KCNQ3: variants seen among roughly 807,000 people sequenced by gnomAD.
The protein encoded by KCNQ3 is potassium voltage-gated channel subfamily KQT member 3.
In KCNQ3, 30 loss-of-function variants were observed where a neutral mutation model predicts 92.5. That is an observed-to-expected ratio of 0.32 (90% CI 0.24 to 0.44). The LOEUF is 0.44. Ranked by LOEUF, KCNQ3 falls within the 20% of genes least tolerant of loss-of-function variation. The pLI, the probability that KCNQ3 is intolerant of heterozygous loss-of-function variation, is 1.00. For missense variants in KCNQ3, 913 were observed against 1,140.3 expected (o/e 0.80, Z 2.87); for synonymous variants, 450 against 468.8 (o/e 0.96, Z 0.52).
intron 1 of KCNQ3, among the ~76,000 whole-genome samples, chr8:132,409,791 G>A (rs2130795653): frequency 6.6e-6 from 1 of 152,262 alleles, no homozygotes; most frequent in South Asian, 2.1e-4. Context: ...GGAGACACTG[G>A]GACAGTTGGA....
Position 132,141,308 on chromosome 8 carries a change from C to T in KCNQ3, c.1286G>A (p.Arg429Gln). 1 of 1,614,086 alleles carries T rather than the reference C, an allele frequency of 6.2e-7. No individual in the cohort carries two copies. ...ACCACGAGGATTAGAAAGGCGAACC[C>T]GATCCAAGAGACCCAGCTTTTGGCT... ...ASSQKLGLLDRVRLSNPRGSN... is the reference protein window; with the variant it reads ...ASSQKLGLLDQVRLSNPRGSN... Residue 429 changes from arginine (R) to glutamine (Q), a missense_variant, in exon 10 of 15, where the codon CGG (arginine) becomes CAG (glutamine). By Grantham distance (43) the Arg-to-Gln change is conservative. Around this residue, in one of 6 missense-constraint regions of KCNQ3, gnomAD observed 182 missense variants for 234.5 expected, o/e 0.78. Transcript: ENST00000388996.
At chr8:132,381,103 A>G (rs933933444) in intron 1 of KCNQ3, among the ~76,000 whole-genome samples, 2 of 152,186 alleles carry the variant, frequency 1.3e-5, no homozygotes, top group Non-Finnish European at 1.5e-5. Context: ...TGTGCTAAGG[A>G]CATTGCACAC....
rs149209390 is a variant in KCNQ3 at position 132,183,981 on chromosome 8, A to C, written c.604+260T>G. 6.6e-5 allele frequency among the ~76,000 whole-genome samples: 10 copies of C among 152,146 alleles called. No homozygotes were observed. The East Asian group carries it at 1.9e-3, about 29-fold the overall frequency. ...CAACCTGCTTGCTGCTCCACAACCCAATTGCCAAGAGTGACACCCTACCCT... is the reference window on the plus strand; with the variant it reads ...CAACCTGCTTGCTGCTCCACAACCCCATTGCCAAGAGTGACACCCTACCCT... On this transcript the variant is annotated intron_variant, in intron 3 of 14. Coordinates refer to ENST00000388996, the MANE Select transcript of KCNQ3 (RefSeq NM_004519.4).
chr8:132,134,626 G>A lies in KCNQ3; in HGVS notation c.1701-238C>T, dbSNP rs116399126. 4.3e-3 allele frequency among the ~76,000 whole-genome samples: 655 copies of A among 152,012 alleles called. 3 individuals are homozygous for A. Among genetic ancestry groups the A allele is most frequent in the African/African-American group, 0.015 (626 of 41,464 alleles). On this transcript the variant is annotated intron_variant, in intron 12 of 14. Coordinates refer to ENST00000388996, the MANE Select transcript of KCNQ3 (RefSeq NM_004519.4). ...CTACAGAGAGAAAGACAGAGCCAGA[G>A]AGAACCTATAACCTCGGTATATTCT... is the stretch of plus-strand genomic sequence containing the variant.
At chr8:132,398,702 G>A (rs2130781129) in intron 1 of KCNQ3, among the ~76,000 whole-genome samples, 1 of 152,344 alleles carries the variant, frequency 6.6e-6, no homozygotes, top group Non-Finnish European at 1.5e-5. Flanking sequence ...ACAGTGCAAA[G>A]GTGGGGGATA....
chr8:132,163,756 T>C (rs1322482000), intron 8 of KCNQ3, among the ~76,000 whole-genome samples: 2 of 152,220 alleles, frequency 1.3e-5, no homozygotes, highest in Non-Finnish European at 2.9e-5. Flanking sequence ...CAGAAAATGG[T>C]TGCTGAGCAC....
chr8:132,138,317 C>T (rs1825173467), intron 11 of KCNQ3, among the ~76,000 whole-genome samples: 2 of 152,174 alleles, frequency 1.3e-5, no homozygotes, highest in Admixed American at 6.5e-5. Flanking sequence ...GCTTTATGAA[C>T]AATCCTGATA....
intron 1 of KCNQ3, among the ~76,000 whole-genome samples, chr8:132,362,449 T>C (rs1191699427): frequency 6.6e-6 from 1 of 152,168 alleles, no homozygotes; most frequent in Admixed American, 6.5e-5. Context: ...ACCTTCCAGT[T>C]CCAGCAGAAA....
chr8:132,240,998 C>T (rs1814978507), intron 1 of KCNQ3, among the ~76,000 whole-genome samples: 1 of 151,382 alleles, frequency 6.6e-6, no homozygotes, highest in African/African-American at 2.4e-5. Context: ...CAGTGATTCT[C>T]CTGCCTCAGC....
chr8:132,166,616 G>T (rs139386618), intron 8 of KCNQ3, among the ~76,000 whole-genome samples: 1 of 152,028 alleles, frequency 6.6e-6, no homozygotes, highest in Admixed American at 6.6e-5. Flanking sequence ...AGAAAATTGG[G>T]TTTGGACTTG....
At chr8:132,283,338 A>G (rs1816587738) in intron 1 of KCNQ3, among the ~76,000 whole-genome samples, 1 of 152,218 alleles carries the variant, frequency 6.6e-6, no homozygotes, top group Admixed American at 6.5e-5. Flanking sequence ...AAAGTATTGC[A>G]TGAAAAAGGA....
At chr8:132,374,940 A>T (rs1029115733) in intron 1 of KCNQ3, among the ~76,000 whole-genome samples, 1 of 152,146 alleles carries the variant, frequency 6.6e-6, no homozygotes, top group Non-Finnish European at 1.5e-5. Context: ...ATGGGCATTT[A>T]GGTTGATCTC....
At chr8:132,472,211 A>G (rs1185383021) in intron 1 of KCNQ3, among the ~76,000 whole-genome samples, 1 of 152,204 alleles carries the variant, frequency 6.6e-6, no homozygotes, top group Non-Finnish European at 1.5e-5. Flanking sequence ...AGATTTCTCA[A>G]AAAACTAAAA....
rs12678746 is a variant in KCNQ3, at chr8:132,343,159, G to A, written c.386+136988C>T. On this transcript the variant is annotated intron_variant, in intron 1 of 14. Coordinates refer to ENST00000388996, the MANE Select transcript of KCNQ3 (RefSeq NM_004519.4). ...CATTCTTGAAGCATCTGCTACTCTC[G>A]TGGTGAATCACAGTGTTCAATGGAT... 3.6e-3 allele frequency among the ~76,000 whole-genome samples: 547 copies of A among 152,276 alleles called. 12 individuals carry two copies. In the East Asian group the frequency reaches 0.046, roughly 13 times the overall value.
intron 1 of KCNQ3, among the ~76,000 whole-genome samples, chr8:132,425,965 T>C (rs1175420021): frequency 6.6e-6 from 1 of 152,238 alleles, no homozygotes; most frequent in Non-Finnish European, 1.5e-5. Context: ...AAGGGAAATT[T>C]TGAAGAAAAT....
intron 1 of KCNQ3, among the ~76,000 whole-genome samples, chr8:132,457,420 C>T (rs1331473225): frequency 2.0e-5 from 3 of 152,202 alleles, no homozygotes; most frequent in Non-Finnish European, 4.4e-5. Context: ...GTTTCATCCT[C>T]TCACCACTCA....
chr8:132,239,952 C>T (rs7830722), intron 1 of KCNQ3, among the ~76,000 whole-genome samples: 20,646 of 152,180 alleles, frequency 0.14, 1,595 homozygotes, highest in African/African-American at 0.21. Flanking sequence ...CTTTCAATCA[C>T]GGCCTTTGAG....
chr8:132,345,002 A>T (rs2130693266), intron 1 of KCNQ3, among the ~76,000 whole-genome samples: 1 of 152,304 alleles, frequency 6.6e-6, no homozygotes, highest in South Asian at 2.1e-4. Flanking sequence ...GCTCCATGTG[A>T]TCAATGGTAC....
intron 1 of KCNQ3, among the ~76,000 whole-genome samples, chr8:132,443,167 C>T (rs1382091022): frequency 6.6e-6 from 1 of 152,160 alleles, no homozygotes; most frequent in Non-Finnish European, 1.5e-5. Flanking sequence ...TCGGGGAGGA[C>T]TGGCATTTGG....
Sources: gnomAD v4.1 joint callset for allele counts (sites outside exome capture counted in the v4.1 genomes callset) on GRCh38, gnomAD v4.1.1 for gene constraint, gnomAD v4.1.1 regional missense constraint, MANE v1.5 for transcripts, NCBI Gene and HGNC (gene_info 2026-07-23, HGNC 2026-07-21) for gene names.